Variants in SNX13 observed in about 807,000 individuals in gnomAD.
The protein encoded by SNX13 is sorting nexin 13.
SNX13 carries 45 observed loss-of-function variants against 133.6 expected under a neutral mutation model. That is an observed-to-expected ratio of 0.34 (90% CI 0.27 to 0.43). The LOEUF is 0.43. Among genes scored for constraint, SNX13 ranks in the 20% least tolerant of loss-of-function variants. The probability of loss-of-function intolerance (pLI) is 1.00; values close to 1 mark genes in which losing one functional copy is unlikely to be tolerated. For missense variants in SNX13, 1,032 were observed against 1,145.1 expected (o/e 0.90, Z 1.43); for synonymous variants, 414 against 373.9 (o/e 1.11, Z -1.24).
intron 17 of SNX13, among the ~76,000 whole-genome samples, chr7:17,823,179 A>T (rs991119244): frequency 6.6e-6 from 1 of 152,056 alleles, no homozygotes; most frequent in African/African-American, 2.4e-5. Context: ...CAATTCTCTG[A>T]ATTTATTTTT....
In SNX13 at chr7:17,940,309, G is replaced by A. The variant is rs1346848522; in HGVS notation, c.-14C>T. The A allele has an allele frequency of 3.2e-6, 5 of 1,565,772 alleles. No individual in the cohort carries two copies. Among genetic ancestry groups the A allele is most frequent in the East Asian group, 4.8e-5 (2 of 41,998 alleles). On this transcript the variant is annotated 5_prime_UTR_variant, in exon 1 of 26. Coordinates refer to ENST00000428135, the MANE Select transcript of SNX13 (RefSeq NM_015132.5). ...CTCAGTTAACATTATTACACCCCGGGGAAGTGAGGTCCTCCCTAGCCTCGC... is the reference window on the plus strand; with the variant it reads ...CTCAGTTAACATTATTACACCCCGGAGAAGTGAGGTCCTCCCTAGCCTCGC...
chr7:17,900,793 T>C (rs1029348499), intron 1 of SNX13, among the ~76,000 whole-genome samples: 2 of 152,142 alleles, frequency 1.3e-5, no homozygotes, highest in Admixed American at 1.3e-4. Context: ...GCCCACTTGG[T>C]GCTCTATTCC....
At chr7:17,871,481 A>G (rs188449482) in intron 8 of SNX13, among the ~76,000 whole-genome samples, 4 of 152,076 alleles carry the variant, frequency 2.6e-5, no homozygotes, top group Non-Finnish European at 5.9e-5. Flanking sequence ...TTGAGTTTCC[A>G]TGTCTGTTCA....
chr7:17,866,504 G>A (rs1793413225), intron 9 of SNX13, among the ~76,000 whole-genome samples: 1 of 152,054 alleles, frequency 6.6e-6, no homozygotes, highest in East Asian at 1.9e-4. Flanking sequence ...TTGCAAGTAT[G>A]TAAAGAAATG....
In SNX13 at chr7:17,940,272, G is replaced by A. The variant is rs772807508; in HGVS notation, c.12+12C>T. Reference sequence around the variant, plus strand: ...ATTTCACAGGTAAACACTGGCCACCGTCGCCGCTTACCTCAGTTAACATTA... The same window carrying A: ...ATTTCACAGGTAAACACTGGCCACCATCGCCGCTTACCTCAGTTAACATTA... On this transcript the variant is annotated intron_variant, in intron 1 of 25. Coordinates refer to ENST00000428135, the MANE Select transcript of SNX13 (RefSeq NM_015132.5). 16 of 1,559,512 alleles carry A rather than the reference G, an allele frequency of 1.0e-5. No individual in the cohort carries two copies. Among genetic ancestry groups the A allele is most frequent in the Non-Finnish European group, 1.2e-5 (14 of 1,151,740 alleles).
intron 1 of SNX13, among the ~76,000 whole-genome samples, chr7:17,933,040 GGTGAAGAAATCAATCCAT>G (rs1801581035): frequency 6.6e-6 from 1 of 152,078 alleles, no homozygotes; most frequent in African/African-American, 2.4e-5. Context: ...ACTCTTGTTT[GGTGAAGAAATCAATCCAT>G]AAAAATCAAT....
chr7:17,913,442 G>A (rs993954993), intron 1 of SNX13, among the ~76,000 whole-genome samples: 9 of 152,184 alleles, frequency 5.9e-5, no homozygotes, highest in Admixed American at 1.3e-4. Flanking sequence ...CTTCTCCACC[G>A]CCTCCACCTC....
At chr7:17,920,130 T>C (rs1799969348) in intron 1 of SNX13, among the ~76,000 whole-genome samples, 1 of 152,156 alleles carries the variant, frequency 6.6e-6, no homozygotes, top group South Asian at 2.1e-4. Context: ...CAAACACAGG[T>C]GAAATAAGAT....
chr7:17,887,843 C>T (rs1475202763), intron 5 of SNX13, among the ~76,000 whole-genome samples: 1 of 132,820 alleles, frequency 7.5e-6, no homozygotes, highest in Non-Finnish European at 1.6e-5. Context: ...CCTATGAAAC[C>T]ACTGGATAGG....
chr7:17,935,425 A>C (rs1801905228), intron 1 of SNX13, among the ~76,000 whole-genome samples: 1 of 152,190 alleles, frequency 6.6e-6, no homozygotes. Flanking sequence ...AGAAGGAAGA[A>C]ATTTTTAGAT....
At chr7:17,837,677 T>C (rs1789308589) in intron 13 of SNX13, among the ~76,000 whole-genome samples, 2 of 152,008 alleles carry the variant, frequency 1.3e-5, no homozygotes, top group Admixed American at 1.3e-4. Context: ...CTTTGAAGCA[T>C]AATGATGTCA....
chr7:17,911,135 C>T (rs1356281771), intron 1 of SNX13, among the ~76,000 whole-genome samples: 1 of 152,294 alleles, frequency 6.6e-6, no homozygotes, highest in South Asian at 2.1e-4. Context: ...AGGTTCCAGG[C>T]TAGCTACTTT....
chr7:17,844,558 A>G (rs1790272754), intron 12 of SNX13, among the ~76,000 whole-genome samples: 1 of 152,126 alleles, frequency 6.6e-6, no homozygotes, highest in Non-Finnish European at 1.5e-5. Context: ...CTATGAGGCC[A>G]GCATTATCCT....
chr7:17,838,780 G>A lies in SNX13; in HGVS notation c.1359+1027C>T, dbSNP rs534978403. On this transcript the variant is annotated intron_variant, in intron 13 of 25. Coordinates refer to ENST00000428135, the MANE Select transcript of SNX13 (RefSeq NM_015132.5). The stretch of plus-strand genomic sequence containing the variant: ...TTTCCCCAAATTTCCTTTTGTTGAT[G>A]TCTAATTTGATTCCATTCTGATCAA... 2.0e-5 allele frequency among the ~76,000 whole-genome samples: 3 copies of A among 151,626 alleles called. No homozygotes were observed. The South Asian group carries it at 6.2e-4, about 31-fold the overall frequency.
chr7:17,809,282 C>CAAAAAAAAAAAAAAAAAAAAA (rs535077123), intron 20 of SNX13, among the ~76,000 whole-genome samples: 1 of 49,274 alleles, frequency 2.0e-5, no homozygotes, highest in Non-Finnish European at 3.5e-5. Flanking sequence ...AGATGGAAAG[C>CAAAAAAAAAAAAAAAAAAAAA]AAAAAAAAAA....
Position 17,940,406 on chromosome 7 carries a change from T to G in SNX13, c.-111A>C. The G allele has an allele frequency of 7.8e-7, 1 of 1,285,864 alleles. No individual in the cohort carries two copies. The highest frequency in any genetic ancestry group is 1.1e-6 in the Non-Finnish European group (1 of 910,066). The allele number at this position is 1,285,864 out of a possible 1,614,324, so 79.7% of individuals were successfully genotyped here. ...CCAACGGCGGCAACTGCTCCTTCAG[T>G]CTTCTCCCGGGCGGCGGTTTTACTC... On this transcript the variant is annotated 5_prime_UTR_variant, in exon 1 of 26. Transcript: ENST00000428135.
At chr7:17,827,056 A>G (rs1787989016) in intron 16 of SNX13, among the ~76,000 whole-genome samples, 1 of 152,244 alleles carries the variant, frequency 6.6e-6, no homozygotes. Context: ...CTAGGAGTCC[A>G]GAATTTTGGT....
At position 17,868,502 on chromosome 7, in the gene SNX13, G is replaced by A. The variant is rs1406304778; in HGVS notation, c.754-12C>T. On this transcript the variant is annotated splice_polypyrimidine_tract_variant and intron_variant, in intron 8 of 25. Transcript: ENST00000428135. ...CGTGCAAGGATTTCCTGAAAAAAAA[G>A]TAAATAACAAAAACAAATTTAATCT... 2 of 1,579,478 alleles carry A rather than the reference G, an allele frequency of 1.3e-6. No individual in the cohort carries two copies. Among genetic ancestry groups the A allele is most frequent in the Non-Finnish European group, 1.7e-6 (2 of 1,158,898 alleles).
chr7:17,844,898 T>C (rs941371248), intron 12 of SNX13, among the ~76,000 whole-genome samples: 3 of 151,982 alleles, frequency 2.0e-5, no homozygotes, highest in Non-Finnish European at 4.4e-5. Context: ...TATCTCAAAA[T>C]AATAAAAGCT....
Sources: allele counts gnomAD v4.1 joint callset (sites outside exome capture counted in the v4.1 genomes callset), GRCh38; gene constraint gnomAD v4.1.1; transcripts MANE v1.5; gene names NCBI Gene and HGNC (gene_info 2026-07-23, HGNC 2026-07-21).